ANKRD24: variants seen among roughly 807,000 people sequenced by gnomAD.
The protein encoded by ANKRD24 is ankyrin repeat domain 24.
Under a neutral mutation model 127.8 loss-of-function variants are expected in ANKRD24, and 109 were observed. The ratio of observed to expected loss-of-function variants is 0.85; its 90% confidence interval spans 0.73 to 1.00. The LOEUF (loss-of-function observed/expected upper bound fraction) is 1.00, where lower values mean the gene tolerates loss of function less well. ANKRD24 is among the 50% of genes least tolerant of loss of function. ANKRD24 has a pLI of 0.00. For synonymous variants in ANKRD24, 743 were observed against 671.1 expected, an observed-to-expected ratio of 1.11 and a Z score of -1.66; for missense variants, 1,648 against 1,570.2, an observed-to-expected ratio of 1.05 and a Z score of -0.84.
chr19:4,224,420 A>G lies in ANKRD24; in HGVS notation c.3364-8A>G. The G allele has an allele frequency of 6.2e-7, 1 of 1,612,950 alleles. No homozygotes were observed. Among genetic ancestry groups the G allele is most frequent in the Admixed American group, 1.7e-5 (1 of 59,842 alleles). ...ACTCAGGGTCTTCCTCTACTCCCCC[A>G]ACCCTAGGGCCAGATGGATGAAGAT... On this transcript the variant is annotated splice_region_variant and splice_polypyrimidine_tract_variant and intron_variant, in intron 21 of 21. Transcript: ENST00000318934.
At chr19:4,200,056 G>T (rs188123256) in intron 4 of ANKRD24, 27 bp from the exon 5 acceptor site, 2 of 1,571,240 alleles carry the variant, frequency 1.3e-6, no homozygotes, top group Non-Finnish European at 1.7e-6. Context: ...GCAACCTTGC[G>T]GCTGAACCCT....
chr19:4,216,583 A>T lies in ANKRD24; in HGVS notation c.1423A>T (p.Met475Leu), dbSNP rs764940494. ...LENFEKDETQ[M>L]EVEALAEVIP... is the part of the protein sequence containing the mutation. ...GAACTTTGAGAAGGACGAGACACAG[A>T]TGGAAGTGGAAGCTTTGGCAGAGGT... The change falls in exon 18 of 22, where the codon ATG (methionine) becomes TTG (leucine). Residue 475 changes from methionine to leucine, a missense_variant. Met to Leu is a conservative substitution (Grantham distance 15, BLOSUM62 2). Coordinates refer to ENST00000318934, the MANE Select transcript of ANKRD24 (RefSeq NM_001393985.1). The T allele has an allele frequency of 3.7e-6, 6 of 1,611,728 alleles. No individual in the cohort carries two copies. The highest frequency in any genetic ancestry group is 5.1e-6 in the Non-Finnish European group (6 of 1,179,024).
At position 4,199,946 on chromosome 19, in the gene ANKRD24, C is replaced by T. The variant is rs539849986; in HGVS notation, c.195C>T (p.Ala65=). The change falls in exon 4 of 22, where the codon GCC becomes GCT. Residue 65 remains alanine, a synonymous_variant. Transcript: ENST00000318934. The surrounding 1 kb of genome is among the most constrained non-coding windows in gnomAD (Gnocchi z 5.2). ...AAAACAACGATGCACCTCGGGTGGC[C>T]GCCCTCATCGCCCGCAAGGGGCTGG... is the stretch of plus-strand genomic sequence containing the variant. ...AVENNDAPRV[A]ALIARKGLVP... 1.6e-4 allele frequency: 251 copies of T among 1,563,810 alleles called. 1 individual carries two copies. Among genetic ancestry groups the T allele is most frequent in the East Asian group, 3.6e-4 (15 of 41,662 alleles).
Position 4,217,471 on chromosome 19 carries a change from G to A in ANKRD24, c.2311G>A (p.Ala771Thr). Residue 771 changes from alanine to threonine, a missense_variant, in exon 18 of 22, where the codon GCC becomes ACC. Ala to Thr is a moderately conservative substitution (Grantham distance 58, BLOSUM62 0). Coordinates refer to ENST00000318934, the MANE Select transcript of ANKRD24 (RefSeq NM_001393985.1). ...AGRLRERVRE[A>T]EGSGASGGGG... is the part of the protein sequence containing the mutation. Reference sequence around the variant, plus strand: ...CCGGCTGCGAGAGCGTGTCCGCGAGGCCGAGGGCAGCGGGGCCAGCGGGGG... The same window carrying A: ...CCGGCTGCGAGAGCGTGTCCGCGAGACCGAGGGCAGCGGGGCCAGCGGGGG... 2 of 1,459,576 alleles carry A rather than the reference G, an allele frequency of 1.4e-6. No homozygotes were observed. The highest frequency in any genetic ancestry group is 1.8e-6 in the Non-Finnish European group (2 of 1,111,542). 90.4% of individuals were successfully genotyped at this position (1,459,576 alleles called of 1,614,324 possible).
In ANKRD24 at chr19:4,216,804, CTCAG is replaced by C; in HGVS notation, c.1646_1649del (p.Ser549TrpfsTer13). 4 of 1,603,600 alleles carry C rather than the reference CTCAG, an allele frequency of 2.5e-6. No homozygotes were observed. Among genetic ancestry groups the C allele is most frequent in the Non-Finnish European group, 2.6e-6 (3 of 1,175,358 alleles). On this transcript the variant is annotated frameshift_variant, in exon 18 of 22. Transcript: ENST00000318934. LOFTEE classifies it high-confidence loss of function. ...GGCCAACCCACATGGAGCTAAATGGCTCAGTGGCTCCAGAAACCAAAGTTAACGG... is the reference window on the plus strand; with the variant it reads ...GGCCAACCCACATGGAGCTAAATGGCTGGCTCCAGAAACCAAAGTTAACGG...
rs373820003 is a variant in ANKRD24 at position 4,202,048 on chromosome 19, C to T, written c.366C>T (p.Ala122=). The change falls in exon 6 of 22, where the codon GCC becomes GCT. Residue 122 remains alanine (A), a synonymous_variant. Coordinates refer to ENST00000318934, the MANE Select transcript of ANKRD24 (RefSeq NM_001393985.1). ...DGAGYNALHL[A]AKYGHPQCLK... ...CAGGTTACAATGCCCTCCACCTGGC[C>T]GCCAAATACGGGCACCCACAGTGCT... 5.0e-5 allele frequency: 81 copies of T among 1,613,718 alleles called. No homozygotes were observed. The highest frequency in any genetic ancestry group is 6.6e-5 in the South Asian group (6 of 91,086).
chr19:4,194,277 C>T (rs536502654), intron 2 of ANKRD24, among the ~76,000 whole-genome samples: 141 of 152,268 alleles, frequency 9.3e-4, no homozygotes, highest in Non-Finnish European at 1.8e-3. Flanking sequence ...CTCAGACTCC[C>T]GAGCAGCTGG....
chr19:4,216,159 C>A, intron 16 of ANKRD24, 109 bp downstream of exon 16: 1 of 1,402,330 alleles, frequency 7.1e-7, no homozygotes, highest in Non-Finnish European at 9.8e-7. Context: ...GGTTTGTACT[C>A]ATCCGTTTTT....
chr19:4,196,011 G>T (rs1344039281), intron 2 of ANKRD24, among the ~76,000 whole-genome samples: 1 of 152,244 alleles, frequency 6.6e-6, no homozygotes, highest in Non-Finnish European at 1.5e-5. Context: ...ACTTGCCAGT[G>T]TTGGGATATC....
At chr19:4,185,360 A>T (rs1030951505) in intron 1 of ANKRD24, among the ~76,000 whole-genome samples, 3 of 152,088 alleles carry the variant, frequency 2.0e-5, no homozygotes, top group Admixed American at 6.6e-5. Context: ...ATGGATGTCC[A>T]GGTGAGTGCA....
intron 2 of ANKRD24, among the ~76,000 whole-genome samples, chr19:4,191,012 G>A (rs1968353980): frequency 6.6e-6 from 1 of 152,178 alleles, no homozygotes; most frequent in Non-Finnish European, 1.5e-5. Context: ...TCGGGACAAA[G>A]TCAAAATTGG....
At chr19:4,186,722 T>A (rs936502942) in intron 2 of ANKRD24, among the ~76,000 whole-genome samples, 5 of 152,008 alleles carry the variant, frequency 3.3e-5, no homozygotes, top group Non-Finnish European at 7.4e-5. Flanking sequence ...TCCTCACAAT[T>A]TGGCCCCAGT....
At chr19:4,193,854 A>AGGAAGGAAGGAAGGAAGGAT (rs1968537879) in intron 2 of ANKRD24, among the ~76,000 whole-genome samples, 2 of 40,856 alleles carry the variant, frequency 4.9e-5, no homozygotes, top group Non-Finnish European at 9.7e-5. Flanking sequence ...GGAGGAAGGA[A>AGGAAGGAAGGAAGGAAGGAT]GGAAGGAAGG....
intron 2 of ANKRD24, among the ~76,000 whole-genome samples, chr19:4,193,649 C>G (rs898936758): frequency 1.1e-4 from 17 of 151,678 alleles, no homozygotes; most frequent in African/African-American, 4.1e-4. Context: ...ACCAGCCTGT[C>G]AACATGGTGA....
chr19:4,207,306 AGATCGGGTAAGCTTCTGG>A lies in ANKRD24; in HGVS notation c.536_537+16del. The A allele has an allele frequency of 6.2e-7, 1 of 1,613,674 alleles. No homozygotes were observed. The highest frequency in any genetic ancestry group is 8.5e-7 in the Non-Finnish European group (1 of 1,179,734). ...CCTTTAAGGCACATCTAAACCCCCA[AGATCGGGTAAGCTTCTGG>A]GATCTCTTCAGGGAAGATGTTATGC... On this transcript the variant is annotated splice_donor_variant and splice_donor_5th_base_variant and coding_sequence_variant and intron_variant, in exon 8 of 22. Coordinates refer to ENST00000318934, the MANE Select transcript of ANKRD24 (RefSeq NM_001393985.1). LOFTEE classifies it high-confidence loss of function.
chr19:4,200,267 C>G, intron 5 of ANKRD24, 96 bp downstream of exon 5: 1 of 1,321,182 alleles, frequency 7.6e-7, no homozygotes, highest in African/African-American at 1.5e-5. Flanking sequence ...CTCAATGTTC[C>G]CCGCTGAAAA....
At position 4,190,744 on chromosome 19, in the gene ANKRD24, C is replaced by T. The variant is rs534519125; in HGVS notation, c.36+4283C>T. On this transcript the variant is annotated intron_variant, in intron 2 of 21. Coordinates refer to ENST00000318934, the MANE Select transcript of ANKRD24 (RefSeq NM_001393985.1). ...CAGAGCGAGACTCCGTCTCAAAAAA[C>T]GAACAAAAAAATCCATGTGTAAGTG... 6.6e-5 allele frequency among the ~76,000 whole-genome samples: 10 copies of T among 152,198 alleles called. No individual in the cohort carries two copies. The East Asian group carries it at 1.9e-3, about 29-fold the overall frequency.
At position 4,200,102 on chromosome 19, in the gene ANKRD24, C is replaced by A. The variant is rs199499488; in HGVS notation, c.274C>A (p.Arg92=). Residue 92 remains arginine (R), a synonymous_variant, in exon 5 of 22, where the codon CGG becomes AGG. Coordinates refer to ENST00000318934, the MANE Select transcript of ANKRD24 (RefSeq NM_001393985.1). ...GKSAFHLAAM[R]GAASCLEVMI... is the part of the protein sequence containing the mutation. ...CTCCAGGTTCCACCTGGCGGCCATG[C>A]GGGGTGCGGCCAGCTGTCTGGAGGT... The A allele has an allele frequency of 9.4e-6, 15 of 1,598,950 alleles. No homozygotes were observed. In the South Asian group the frequency reaches 1.2e-4, roughly 13 times the overall value.
At chr19:4,224,057 C>CT in intron 20 of ANKRD24, 70 bp from the exon 21 acceptor site, 1 of 1,351,102 alleles carries the variant, frequency 7.4e-7, no homozygotes, top group Non-Finnish European at 1.0e-6. Context: ...GCAAAGGGTG[C>CT]TTTTTGGTGT....
Sources: allele counts gnomAD v4.1 joint callset (sites outside exome capture counted in the v4.1 genomes callset), GRCh38; gene constraint gnomAD v4.1.1; non-coding constraint Gnocchi (gnomAD v3.1); transcripts MANE v1.5; gene names NCBI Gene and HGNC (gene_info 2026-07-23, HGNC 2026-07-21).